Variants in RYR3 observed in about 807,000 individuals in gnomAD.
RYR3 encodes brain ryanodine receptor-calcium release channel.
RYR3 carries 207 observed loss-of-function variants against 584.3 expected under a neutral mutation model. That is an observed-to-expected ratio of 0.35 (90% CI 0.32 to 0.40). RYR3 has a LOEUF of 0.40. Among genes scored for constraint, RYR3 ranks in the 10% least tolerant of loss-of-function variants. RYR3 has a pLI of 1.00. For synonymous variants in RYR3, 2,416 were observed against 2,248.5 expected, an observed-to-expected ratio of 1.07 and a Z score of -2.11; for missense variants, 5,616 against 6,089.2, an observed-to-expected ratio of 0.92 and a Z score of 2.59.
chr15:33,748,629 T>C, intron 55 of RYR3, 99 bp downstream of exon 55: 1 of 994,500 alleles, frequency 1.0e-6, no homozygotes, highest in East Asian at 2.6e-5. Flanking sequence ...GCCTAGAACA[T>C]ATCACCACTA....
intron 1 of RYR3, among the ~76,000 whole-genome samples, chr15:33,330,069 A>G (rs1970196336): frequency 6.6e-6 from 1 of 152,194 alleles, no homozygotes; most frequent in African/African-American, 2.4e-5. Flanking sequence ...AAGAACAGTC[A>G]TAAGTCAGAC....
At chr15:33,767,201 G>C (rs764384680) in intron 60 of RYR3, among the ~76,000 whole-genome samples, 4 of 152,156 alleles carry the variant, frequency 2.6e-5, no homozygotes, top group Admixed American at 6.5e-5. Flanking sequence ...TTACCACACA[G>C]AGCAGTTAAG....
chr15:33,642,792 G>A lies in RYR3; in HGVS notation c.3557-1519G>A, dbSNP rs142806434. Among the ~76,000 whole-genome samples the A allele has an allele frequency of 1.6e-4, 24 of 152,320 alleles. No individual in the cohort carries two copies. In the South Asian group the frequency reaches 3.5e-3, roughly 22 times the overall value. On this transcript the variant is annotated intron_variant, in intron 27 of 103. Coordinates refer to ENST00000634891, the MANE Select transcript of RYR3 (RefSeq NM_001036.6). The stretch of plus-strand genomic sequence containing the variant: ...AGGTGCTTGTCCAAGGGACCAGTCC[G>A]TTGACTGTCCTGAGAGGTAGGGGTC...
At chr15:33,517,819 AT>A (rs1331749556) in intron 3 of RYR3, among the ~76,000 whole-genome samples, 1 of 152,210 alleles carries the variant, frequency 6.6e-6, no homozygotes, top group East Asian at 1.9e-4. Flanking sequence ...GCCAAGTCCA[AT>A]TGGCCTGAGA....
chr15:33,618,617 G>C (rs1192842058), intron 19 of RYR3, among the ~76,000 whole-genome samples: 3 of 152,204 alleles, frequency 2.0e-5, no homozygotes, highest in African/African-American at 7.2e-5. Context: ...GCAAAAGCTG[G>C]CTCATTCTTT....
intron 16 of RYR3, among the ~76,000 whole-genome samples, chr15:33,597,918 T>C (rs182443348): frequency 6.6e-6 from 1 of 152,068 alleles, no homozygotes; most frequent in Admixed American, 6.5e-5. Context: ...CTTTTTTTTT[T>C]TCTGTCTTAG....
chr15:33,785,973 C>A lies in RYR3; in HGVS notation c.9580C>A (p.Arg3194Ser). ...LGIDEASWMK[R>S]IAVYAQPIIS... ...CATCGATGAGGCCTCCTGGATGAAGCGCATTGCAGGTACCGACCCCTTTCT... is the reference window on the plus strand; with the variant it reads ...CATCGATGAGGCCTCCTGGATGAAGAGCATTGCAGGTACCGACCCCTTTCT... Residue 3194 changes from arginine (R) to serine (S), a missense_variant, in exon 66 of 104, where the codon CGC becomes AGC. This residue lies in a region of RYR3 where 954 missense variants were observed against 1,132.2 expected (regional missense o/e 0.84). Transcript: ENST00000634891. 1 of 1,572,926 alleles carries A rather than the reference C, an allele frequency of 6.4e-7. No individual in the cohort carries two copies. Among genetic ancestry groups the A allele is most frequent in the Non-Finnish European group, 8.6e-7 (1 of 1,156,168 alleles).
intron 60 of RYR3, among the ~76,000 whole-genome samples, chr15:33,768,450 G>C (rs990402201): frequency 6.6e-6 from 1 of 152,186 alleles, no homozygotes. Context: ...TGCCTGCAAG[G>C]TACCTTTCAT....
chr15:33,618,580 C>T lies in RYR3; in HGVS notation c.2357+5205C>T, dbSNP rs560511776. On this transcript the variant is annotated intron_variant, in intron 19 of 103. Transcript: ENST00000634891. ...AGGGGCTAAAGATGCAATTATGAATCGTGACTTACGAGTCAAATTCAGGTC... is the reference window on the plus strand; with the variant it reads ...AGGGGCTAAAGATGCAATTATGAATTGTGACTTACGAGTCAAATTCAGGTC... 1.1e-4 allele frequency among the ~76,000 whole-genome samples: 17 copies of T among 152,302 alleles called. No homozygotes were observed. In the South Asian group the frequency reaches 1.7e-3, roughly 15 times the overall value.
chr15:33,841,810 TG>T, intron 90 of RYR3, 53 bp from the exon 91 acceptor site: 1 of 1,529,252 alleles, frequency 6.5e-7, no homozygotes, highest in Non-Finnish European at 8.8e-7. Context: ...TCTCCCTTTT[TG>T]GGCCAGACCG....
chr15:33,859,736 G>A lies in RYR3; in HGVS notation c.14299+5G>A. 3 of 1,603,898 alleles carry A rather than the reference G, an allele frequency of 1.9e-6. No homozygotes were observed. Among genetic ancestry groups the A allele is most frequent in the Non-Finnish European group, 2.6e-6 (3 of 1,174,332 alleles). On this transcript the variant is annotated splice_donor_5th_base_variant and intron_variant, in intron 100 of 103. Transcript: ENST00000634891. Reference sequence around the variant, plus strand: ...TCTTGCTGGCCATCATTCAAGGTATGATTGCCAATTGTGTTGAGTATGAAC... The same window carrying A: ...TCTTGCTGGCCATCATTCAAGGTATAATTGCCAATTGTGTTGAGTATGAAC...
At chr15:33,638,656 A>G (rs189159669) in intron 27 of RYR3, among the ~76,000 whole-genome samples, 43 of 152,346 alleles carry the variant, frequency 2.8e-4, no homozygotes, top group Non-Finnish European at 6.2e-4. Context: ...ACACTGAAGT[A>G]TGAGAGCAGT....
In RYR3 at chr15:33,805,540, C is replaced by T. The variant is rs542636967; in HGVS notation, c.10012-2015C>T. Among the ~76,000 whole-genome samples, 252 of 150,138 alleles carry T rather than the reference C, an allele frequency of 1.7e-3. 2 individuals are homozygous for T. Among genetic ancestry groups the T allele is most frequent in the African/African-American group, 5.7e-3 (232 of 40,740 alleles). On this transcript the variant is annotated intron_variant, in intron 69 of 103. Coordinates refer to ENST00000634891, the MANE Select transcript of RYR3 (RefSeq NM_001036.6). ...TCGCCCAGGCTGGAGTACAGTGGTG[C>T]GATCTCGGCTCACTGCAAGCTCCGC...
intron 12 of RYR3, among the ~76,000 whole-genome samples, chr15:33,577,624 G>A (rs1397889036): frequency 6.6e-6 from 1 of 151,980 alleles, no homozygotes; most frequent in Admixed American, 6.6e-5. Flanking sequence ...AACTCAAGAT[G>A]GATTAAAGAC....
In RYR3 at chr15:33,838,637, G is replaced by T; in HGVS notation, c.12657G>T (p.Leu4219=). The T allele has an allele frequency of 6.2e-7, 1 of 1,613,916 alleles. No individual in the cohort carries two copies. The highest frequency in any genetic ancestry group is 8.5e-7 in the Non-Finnish European group (1 of 1,179,856). The change falls in exon 89 of 104, where the codon CTG becomes CTT. Residue 4219 remains leucine, a synonymous_variant. Transcript: ENST00000634891. ...GGAGCACAGTGTTTGGAGGGGGCCTGGTAGAAGGGGCAAAGAACATCAGAG... is the reference window on the plus strand; with the variant it reads ...GGAGCACAGTGTTTGGAGGGGGCCTTGTAGAAGGGGCAAAGAACATCAGAG... ...ILWSTVFGGG[L]VEGAKNIRVT...
At chr15:33,337,056 CAAAAA>C (rs71117134) in intron 1 of RYR3, among the ~76,000 whole-genome samples, 6 of 48,972 alleles carry the variant, frequency 1.2e-4, no homozygotes, top group East Asian at 1.7e-3. Flanking sequence ...GACTCCGTCT[CAAAAA>C]AAAAAAAAAA....
intron 1 of RYR3, among the ~76,000 whole-genome samples, chr15:33,401,646 A>T (rs2042678612): frequency 6.6e-6 from 1 of 152,206 alleles, no homozygotes; most frequent in South Asian, 2.1e-4. Flanking sequence ...GTCATATGGA[A>T]AAAGGATATG....
chr15:33,698,030 T>G lies in RYR3; in HGVS notation c.6249+34T>G. 2.7e-6 allele frequency: 4 copies of G among 1,465,742 alleles called. No individual in the cohort carries two copies. The South Asian group carries it at 3.4e-5, about 13-fold the overall frequency. 90.8% of individuals were successfully genotyped at this position (1,465,742 alleles called of 1,614,324 possible). A position where few individuals can be genotyped will look rare whatever the true frequency, so the allele number is the denominator to read the frequency against. ...AAAAGGAGAACCTAGCCAGAACTTGTCCCTTGAGGCAGGAGCACGAGGTGA... is the reference window on the plus strand; with the variant it reads ...AAAAGGAGAACCTAGCCAGAACTTGGCCCTTGAGGCAGGAGCACGAGGTGA... On this transcript the variant is annotated intron_variant, in intron 40 of 103. Transcript: ENST00000634891.
At chr15:33,809,109 C>A (rs746166006) in intron 70 of RYR3, among the ~76,000 whole-genome samples, 3 of 152,180 alleles carry the variant, frequency 2.0e-5, no homozygotes, top group Non-Finnish European at 4.4e-5. Context: ...AGAGATTAGT[C>A]CCAAGACACT....
Sources: gnomAD v4.1 joint callset for allele counts (sites outside exome capture counted in the v4.1 genomes callset) on GRCh38, gnomAD v4.1.1 for gene constraint, gnomAD v4.1.1 regional missense constraint, MANE v1.5 for transcripts, NCBI Gene and HGNC (gene_info 2026-07-23, HGNC 2026-07-21) for gene names.